PTPRS: variants seen among roughly 807,000 people sequenced by gnomAD.
The protein encoded by PTPRS is receptor-type tyrosine-protein phosphatase S.
PTPRS carries 63 observed loss-of-function variants against 215.3 expected under a neutral mutation model. That is an observed-to-expected ratio of 0.29 (90% CI 0.24 to 0.36). PTPRS has a LOEUF of 0.36. Among genes scored for constraint, PTPRS ranks in the 10% least tolerant of loss-of-function variants. PTPRS has a pLI of 1.00. For synonymous variants in PTPRS, 1,404 were observed against 1,191.4 expected (o/e 1.18, Z -3.68); for missense variants, 2,258 against 2,825.8 (o/e 0.80, Z 4.56).
At chr19:5,268,575 C>T (rs1180954507) in intron 4 of PTPRS, among the ~76,000 whole-genome samples, 1 of 151,876 alleles carries the variant, frequency 6.6e-6, no homozygotes, top group Non-Finnish European at 1.5e-5. Context: ...GGAGGGGAAG[C>T]CAGAATCAAT....
intron 2 of PTPRS, among the ~76,000 whole-genome samples, chr19:5,285,161 T>C (rs565667240): frequency 6.6e-6 from 1 of 152,326 alleles, no homozygotes; most frequent in South Asian, 2.1e-4. Context: ...TGATATGAGC[T>C]CTGTGACAGT....
intron 13 of PTPRS, among the ~76,000 whole-genome samples, chr19:5,235,341 A>G (rs2043355805): frequency 6.6e-6 from 1 of 152,096 alleles, no homozygotes; most frequent in Admixed American, 6.5e-5. Flanking sequence ...CAGGCATTGC[A>G]CTCAATACCT....
chr19:5,321,921 G>A (rs547368809), intron 1 of PTPRS, among the ~76,000 whole-genome samples: 100 of 152,238 alleles, frequency 6.6e-4, no homozygotes, highest in African/African-American at 2.3e-3. Flanking sequence ...CTGAGGCTGA[G>A]TTCAGCTATT....
At chr19:5,234,467 C>T (rs933349285) in intron 13 of PTPRS, among the ~76,000 whole-genome samples, 3 of 152,202 alleles carry the variant, frequency 2.0e-5, no homozygotes, top group African/African-American at 4.8e-5. Flanking sequence ...TGTGTTCAGT[C>T]CCAACTATGC....
Position 5,244,238 on chromosome 19 carries a change from C to T in PTPRS, c.1233G>A (p.Gly411=), listed in dbSNP as rs554998589. 9 of 1,612,358 alleles carry T rather than the reference C, an allele frequency of 5.6e-6. No individual in the cohort carries two copies. The East Asian group carries it at 1.1e-4, about 20-fold the overall frequency. Residue 411 remains glycine, a synonymous_variant, in exon 11 of 38, where the codon GGG becomes GGA. Coordinates refer to ENST00000262963, the MANE Select transcript of PTPRS (RefSeq NM_002850.4). This position sits in a 1 kb window ranked among gnomAD's most constrained non-coding sequence, Gnocchi z 7.2. Reference sequence around the variant, plus strand: ...GGGTGACCACGGACTCGCTGGGGGGCCCCTGGCCGATGGAGTTGACGGCCG... The same window carrying T: ...GGGTGACCACGGACTCGCTGGGGGGTCCCTGGCCGATGGAGTTGACGGCCG... The part of the protein sequence containing the change: ...WVSAVNSIGQ[G]PPSESVVTRT...
chr19:5,272,595 C>CAAAAAAAAAAAAAAAAAAAAAAAAAAAA (rs10527451), intron 4 of PTPRS, among the ~76,000 whole-genome samples: 3 of 73,392 alleles, frequency 4.1e-5, no homozygotes, highest in Non-Finnish European at 7.9e-5. Context: ...AAGACTGTCT[C>CAAAAAAAAAAAAAAAAAAAAAAAAAAAA]AAAAAAAAAA....
Position 5,257,989 on chromosome 19 carries a change from C to T in PTPRS, c.706+28G>A. 6.3e-7 allele frequency: 1 copy of T among 1,592,228 alleles called. No homozygotes were observed. Among genetic ancestry groups the T allele is most frequent in the Non-Finnish European group, 8.6e-7 (1 of 1,163,384 alleles). ...GGGGATGGGACGGGGCGGGTCCCTG[C>T]CTTTGACCTGGACGCGGCGTTCCCT... is the stretch of plus-strand genomic sequence containing the variant. On this transcript the variant is annotated intron_variant, in intron 8 of 37. Transcript: ENST00000262963. This position sits in a 1 kb window ranked among gnomAD's most constrained non-coding sequence, Gnocchi z 4.4.
chr19:5,267,532 C>T (rs576645841), intron 4 of PTPRS, among the ~76,000 whole-genome samples: 1 of 152,002 alleles, frequency 6.6e-6, no homozygotes, highest in South Asian at 2.1e-4. Context: ...TGGCGGACGC[C>T]TGTAATCCCA....
chr19:5,212,569 T>C (rs2041007187), intron 30 of PTPRS, 78 bp from the exon 31 acceptor site: 1 of 1,496,770 alleles, frequency 6.7e-7, no homozygotes, highest in Non-Finnish European at 9.0e-7. Context: ...AGTGGCCGGG[T>C]GTGGTGGCTC....
rs770080549 is a variant in PTPRS, at chr19:5,216,708, A to C, written c.4096+12T>G. The stretch of plus-strand genomic sequence containing the variant: ...GGGCGAAAGGAAGCCAAAAACAGAC[A>C]CAAGAACTAACTTTCAAAGTGAAAC... On this transcript the variant is annotated intron_variant, in intron 26 of 37. Coordinates refer to ENST00000262963, the MANE Select transcript of PTPRS (RefSeq NM_002850.4). 4 of 1,553,956 alleles carry C rather than the reference A, an allele frequency of 2.6e-6. No homozygotes were observed. Among genetic ancestry groups the C allele is most frequent in the Admixed American group, 1.9e-5 (1 of 53,438 alleles).
chr19:5,289,904 C>T (rs2048670299), intron 1 of PTPRS, among the ~76,000 whole-genome samples: 1 of 152,226 alleles, frequency 6.6e-6, no homozygotes, highest in Non-Finnish European at 1.5e-5. Flanking sequence ...AGGGAAATGG[C>T]CAGGTTGGTG....
rs2048327936 is a variant in PTPRS at position 5,286,058 on chromosome 19, G to A, written c.83C>T (p.Ala28Val). Residue 28 changes from alanine (A) to valine (V), a missense_variant, in exon 2 of 38, where the codon GCA becomes GTA. Physicochemically the swap from Ala to Val is moderately conservative, Grantham distance 64. Coordinates refer to ENST00000262963, the MANE Select transcript of PTPRS (RefSeq NM_002850.4). ...CCGTGCCGGCTTCTTACCTTCTGCT[G>A]CACAGCCTCCAACGAGCAGGACCAC... Reference protein sequence around the residue: ...LLVVLLVGGCAAEEPPRFIKE... With the variant: ...LLVVLLVGGCVAEEPPRFIKE... The A allele has an allele frequency of 3.1e-6, 5 of 1,613,360 alleles. No homozygotes were observed. The East Asian group carries it at 1.1e-4, about 36-fold the overall frequency.
chr19:5,320,865 A>C (rs2050007278), intron 1 of PTPRS, among the ~76,000 whole-genome samples: 1 of 152,218 alleles, frequency 6.6e-6, no homozygotes, highest in Non-Finnish European at 1.5e-5. Flanking sequence ...CCAGATGAGG[A>C]AACTGAGGCC....
rs114237024 is a variant in PTPRS, at chr19:5,305,118, A to C, written c.-94-18884T>G. On this transcript the variant is annotated intron_variant, in intron 1 of 37. Coordinates refer to ENST00000262963, the MANE Select transcript of PTPRS (RefSeq NM_002850.4). ...AACCCCATCTCCCCAAGACATAAAA[A>C]CCCCTATCAAGCACTTAGCAGGAGC... Among the ~76,000 whole-genome samples the C allele has an allele frequency of 9.3e-3, 1,422 of 152,086 alleles. 25 individuals carry two copies. Among genetic ancestry groups the C allele is most frequent in the African/African-American group, 0.033 (1,363 of 41,498 alleles).
chr19:5,272,574 C>T (rs534101554), intron 4 of PTPRS, among the ~76,000 whole-genome samples: 9 of 122,256 alleles, frequency 7.4e-5, no homozygotes, highest in South Asian at 5.2e-4. Context: ...CTCTGGCCAG[C>T]GCAACAAAGC....
intron 1 of PTPRS, among the ~76,000 whole-genome samples, chr19:5,310,442 C>T (rs922404023): frequency 6.6e-6 from 1 of 151,080 alleles, no homozygotes; most frequent in Non-Finnish European, 1.5e-5. Flanking sequence ...CTCAGCCTAC[C>T]GAGTAGCTGG....
intron 2 of PTPRS, among the ~76,000 whole-genome samples, chr19:5,285,478 G>C (rs146219064): frequency 6.6e-6 from 1 of 152,284 alleles, no homozygotes; most frequent in African/African-American, 2.4e-5. Context: ...ACGAGGAATG[G>C]CTTTTCTATC....
chr19:5,213,112 C>T (rs1335339959), intron 30 of PTPRS, among the ~76,000 whole-genome samples: 2 of 152,334 alleles, frequency 1.3e-5, no homozygotes, highest in East Asian at 1.9e-4. Context: ...ACTGTCGGCT[C>T]TGCCTTCAAA....
chr19:5,275,631 C>T (rs189459157), intron 2 of PTPRS, among the ~76,000 whole-genome samples: 2 of 152,106 alleles, frequency 1.3e-5, no homozygotes, highest in East Asian at 3.9e-4. Flanking sequence ...CATGGTGAAA[C>T]CCCGTCTCTA....
Sources: gnomAD v4.1 joint callset for allele counts (sites outside exome capture counted in the v4.1 genomes callset) on GRCh38, gnomAD v4.1.1 for gene constraint, Gnocchi (gnomAD v3.1) non-coding constraint, MANE v1.5 for transcripts, NCBI Gene and HGNC (gene_info 2026-07-23, HGNC 2026-07-21) for gene names.